Variants in OPTN observed in about 807,000 individuals in gnomAD.
The protein encoded by OPTN is E3-14.7K-interacting protein.
OPTN carries 54 observed loss-of-function variants against 70.4 expected under a neutral mutation model. The observed-to-expected ratio is 0.77, with a 90% CI of 0.62 to 0.96. OPTN has a LOEUF of 0.96. OPTN is among the 40% of genes least tolerant of loss of function. The probability of loss-of-function intolerance (pLI) is 0.00; values close to 1 mark genes in which losing one functional copy is unlikely to be tolerated. For synonymous variants in OPTN, 256 were observed against 248.5 expected, an observed-to-expected ratio of 1.03 and a Z score of -0.28; for missense variants, 624 against 673.2, an observed-to-expected ratio of 0.93 and a Z score of 0.81.
intron 5 of OPTN, among the ~76,000 whole-genome samples, chr10:13,115,140 A>T (rs1833135506): frequency 1.0e-5 from 1 of 97,618 alleles, no homozygotes; most frequent in African/African-American, 4.1e-5. Flanking sequence ...TTTATAATAT[A>T]GATATATCTA....
intron 14 of OPTN, among the ~76,000 whole-genome samples, chr10:13,136,367 G>A (rs1417749051): frequency 1.3e-5 from 2 of 151,870 alleles, no homozygotes; most frequent in Non-Finnish European, 2.9e-5. Flanking sequence ...AATTAGCTGG[G>A]CGTGGTGGCG....
At chr10:13,125,653 T>C in intron 10 of OPTN, 86 bp downstream of exon 10, 1 of 1,538,834 alleles carries the variant, frequency 6.5e-7, no homozygotes, top group Non-Finnish European at 8.9e-7. Context: ...GATTTGAGAA[T>C]AAATTTTAAA....
intron 5 of OPTN, among the ~76,000 whole-genome samples, chr10:13,113,317 C>T (rs562834275): frequency 1.1e-4 from 16 of 152,274 alleles, no homozygotes; most frequent in Admixed American, 2.6e-4. Flanking sequence ...TGAGCCACCG[C>T]GCCTGGCCAA....
At chr10:13,117,952 G>A (rs72779566) in intron 6 of OPTN, among the ~76,000 whole-genome samples, 2 of 152,084 alleles carry the variant, frequency 1.3e-5, no homozygotes, top group African/African-American at 2.4e-5. Flanking sequence ...AATTCTTCAC[G>A]TTTCCCCCAA....
intron 5 of OPTN, among the ~76,000 whole-genome samples, chr10:13,115,329 A>G (rs1333470189): frequency 3.7e-5 from 4 of 108,224 alleles, no homozygotes; most frequent in Non-Finnish European, 6.7e-5. Context: ...TAGAATATAG[A>G]ATATATTATA....
intron 7 of OPTN, 111 bp from the exon 8 acceptor site, chr10:13,122,273 CT>C (rs1180366296): frequency 7.1e-5 from 54 of 764,970 alleles, no homozygotes; most frequent in African/African-American, 2.4e-4. Context: ...TTGAAAACCC[CT>C]GATCCTTTAT....
intron 3 of OPTN, 122 bp downstream of exon 3, chr10:13,109,410 G>T: frequency 1.0e-6 from 1 of 967,180 alleles, no homozygotes; most frequent in Admixed American, 2.2e-5. Flanking sequence ...TAGCTGGTGG[G>T]GAAGCACAGG....
chr10:13,104,869 A>G, intron 1 of OPTN: 1 of 321,542 alleles, frequency 3.1e-6, no homozygotes, highest in South Asian at 3.9e-5. Flanking sequence ...CATGGGGGTG[A>G]CCAGGGGCCC....
At chr10:13,127,925 C>T in intron 12 of OPTN, 22 bp downstream of exon 12, 3 of 1,613,834 alleles carry the variant, frequency 1.9e-6, no homozygotes, top group Non-Finnish European at 2.5e-6. Flanking sequence ...TCCAAAACCC[C>T]AGCTGAGCGA....
At chr10:13,111,559 A>G (rs561300696) in intron 4 of OPTN, among the ~76,000 whole-genome samples, 102 of 152,036 alleles carry the variant, frequency 6.7e-4, no homozygotes, top group Middle Eastern at 3.4e-3. Context: ...TTAGCCAGGC[A>G]TGGTAGTGCG....
intron 4 of OPTN, among the ~76,000 whole-genome samples, chr10:13,111,622 C>T (rs751133279): frequency 1.2e-3 from 184 of 151,848 alleles, no homozygotes; most frequent in Middle Eastern, 6.8e-3. Context: ...TGCTTAAACC[C>T]GAGAGGTGGA....
At chr10:13,118,325 T>C (rs1430397349) in intron 6 of OPTN, among the ~76,000 whole-genome samples, 3 of 152,368 alleles carry the variant, frequency 2.0e-5, no homozygotes, top group African/African-American at 7.2e-5. Flanking sequence ...GTCACTGATA[T>C]GTCTCTTGAT....
chr10:13,118,754 T>A (rs1412527862), intron 6 of OPTN, 134 bp from the exon 7 acceptor site: 6 of 797,384 alleles, frequency 7.5e-6, no homozygotes, highest in Non-Finnish European at 1.3e-5. Context: ...CTGTGCTTGT[T>A]CACTAGTTGA....
intron 1 of OPTN, among the ~76,000 whole-genome samples, chr10:13,107,387 C>CTTT (rs869161209): frequency 1.7e-5 from 2 of 117,192 alleles, no homozygotes; most frequent in African/African-American, 6.9e-5. Context: ...CCAAAACAGT[C>CTTT]TTTTTTTTTT....
At chr10:13,122,843 A>G in intron 8 of OPTN, 1 of 309,244 alleles carries the variant, frequency 3.2e-6, no homozygotes, top group Non-Finnish European at 6.3e-6. Context: ...CGCCTGGCTA[A>G]TTTTTGTATT....
At position 13,125,486 on chromosome 10, in the gene OPTN, A is replaced by T; in HGVS notation, c.1067A>T (p.Tyr356Phe). Residue 356 changes from tyrosine to phenylalanine, a missense_variant, in exon 10 of 15, where the codon TAT becomes TTT. Transcript: ENST00000378747. ...SELNEKQELV[Y>F]TNKKLELQVE... ...TTGAATGAAAAGCAAGAGCTTGTTT[A>T]TACTAACAAAAAGTTAGAGCTACAA... 6.2e-7 allele frequency: 1 copy of T among 1,614,176 alleles called. No individual in the cohort carries two copies. The highest frequency in any genetic ancestry group is 8.5e-7 in the Non-Finnish European group (1 of 1,180,012).
intron 6 of OPTN, among the ~76,000 whole-genome samples, chr10:13,117,311 A>T (rs1310279677): frequency 6.6e-6 from 1 of 151,044 alleles, no homozygotes; most frequent in Non-Finnish European, 1.5e-5. Flanking sequence ...CGATCTCCTG[A>T]CCTCGTGATC....
chr10:13,103,751 C>G (rs546915), intron 1 of OPTN, among the ~76,000 whole-genome samples: 7 of 59,292 alleles, frequency 1.2e-4, no homozygotes, highest in Admixed American at 3.3e-4. Context: ...TGCACACACA[C>G]ACACACACAC....
intron 1 of OPTN, among the ~76,000 whole-genome samples, chr10:13,104,291 A>C (rs1339410403): frequency 1.7e-5 from 2 of 116,424 alleles, no homozygotes; most frequent in Admixed American, 2.5e-4. Context: ...ACAGGGTCTC[A>C]CTCTGTCACC....
Sources: allele counts gnomAD v4.1 joint callset (sites outside exome capture counted in the v4.1 genomes callset), GRCh38; gene constraint gnomAD v4.1.1; transcripts MANE v1.5; gene names NCBI Gene and HGNC (gene_info 2026-07-23, HGNC 2026-07-21).